The following CELA2B variants were observed in gnomAD, a reference collection of about 807,000 sequenced individuals.
The protein encoded by CELA2B is chymotrypsin-like elastase family member 2B.
Under a neutral mutation model 36.5 loss-of-function variants are expected in CELA2B, and 27 were observed. The observed-to-expected ratio is 0.74, with a 90% CI of 0.55 to 1.02. CELA2B has a LOEUF of 1.02. CELA2B is among the 50% of genes least tolerant of loss of function. CELA2B has a pLI of 0.00. For synonymous variants in CELA2B, 143 were observed against 148.5 expected (o/e 0.96, Z 0.27); for missense variants, 340 against 347.8 (o/e 0.98, Z 0.18).
chr1:15,484,077 T>C (rs1273969454), intron 5 of CELA2B, among the ~76,000 whole-genome samples: 1 of 152,112 alleles, frequency 6.6e-6, no homozygotes, highest in Non-Finnish European at 1.5e-5. Context: ...GTTACAGAGA[T>C]CATGTGACAT....
intron 6 of CELA2B, among the ~76,000 whole-genome samples, 200 bp downstream of exon 6, chr1:15,486,246 C>T (rs559717270): frequency 2.0e-5 from 3 of 152,168 alleles, no homozygotes; most frequent in South Asian, 2.1e-4. Context: ...TTTGGGAGGC[C>T]GAGGTGGGTG....
At chr1:15,480,898 ATTT>A (rs79727774) in intron 2 of CELA2B, among the ~76,000 whole-genome samples, 197 bp from the exon 3 acceptor site, 1 of 145,538 alleles carries the variant, frequency 6.9e-6, no homozygotes, top group African/African-American at 2.5e-5. Context: ...GCCTGGCCTG[ATTT>A]TTTTTTTTTT....
At chr1:15,484,231 C>T (rs1708778022) in intron 5 of CELA2B, among the ~76,000 whole-genome samples, 1 of 152,108 alleles carries the variant, frequency 6.6e-6, no homozygotes, top group Admixed American at 6.5e-5. Context: ...TTTGGTCTTG[C>T]TACTGAGAAC....
intron 2 of CELA2B, among the ~76,000 whole-genome samples, chr1:15,479,841 A>G (rs1708719154): frequency 6.6e-6 from 1 of 152,216 alleles, no homozygotes; most frequent in South Asian, 2.1e-4. Context: ...AGGAAGAGCC[A>G]GTGCAAAGGC....
chr1:15,476,209 G>T, intron 1 of CELA2B, 44 bp downstream of exon 1: 3 of 1,613,446 alleles, frequency 1.9e-6, no homozygotes, highest in Non-Finnish European at 2.5e-6. Context: ...ATCCCCTGGT[G>T]GGGCTGGAAA....
chr1:15,477,500 TTTTA>T (rs1182271084), intron 2 of CELA2B, among the ~76,000 whole-genome samples: 9 of 152,226 alleles, frequency 5.9e-5, no homozygotes, highest in Non-Finnish European at 1.0e-4. Context: ...GCTGTAAACA[TTTTA>T]TTTTAGACTA....
chr1:15,478,904 C>T (rs2103311359), intron 2 of CELA2B, among the ~76,000 whole-genome samples: 1 of 152,182 alleles, frequency 6.6e-6, no homozygotes, highest in Non-Finnish European at 1.5e-5. Context: ...CCCTGAGAGC[C>T]CTGCACCGTG....
At chr1:15,489,847 A>G (rs1428646181) in intron 7 of CELA2B, among the ~76,000 whole-genome samples, 2 of 152,122 alleles carry the variant, frequency 1.3e-5, no homozygotes, top group East Asian at 3.8e-4. Context: ...TACATCTCCA[A>G]TTCCACTCTC....
rs757367032 is a variant in CELA2B, at chr1:15,487,371, T to C, written c.726T>C (p.Gly242=). The C allele has an allele frequency of 6.2e-6, 10 of 1,614,132 alleles. No individual in the cohort carries two copies. Among genetic ancestry groups the C allele is most frequent in the African/African-American group, 1.3e-5 (1 of 74,944 alleles). Residue 242 remains glycine, a synonymous_variant, in exon 7 of 8, where the codon GGT becomes GGC. Coordinates refer to ENST00000375910, the MANE Select transcript of CELA2B (RefSeq NM_015849.3). The part of the protein sequence containing the change: ...HGIGSLTSVL[G]CNYYYKPSIF... Reference sequence around the variant, plus strand: ...TCGGCAGCCTCACGTCGGTCCTTGGTTGCAACTACTACTACAAGCCCTCCA... The same window carrying C: ...TCGGCAGCCTCACGTCGGTCCTTGGCTGCAACTACTACTACAAGCCCTCCA...
Position 15,477,482 on chromosome 1 carries a change from T to C in CELA2B, c.129+937T>C, listed in dbSNP as rs746357690. On this transcript the variant is annotated intron_variant, in intron 2 of 7. Coordinates refer to ENST00000375910, the MANE Select transcript of CELA2B (RefSeq NM_015849.3). ...TTGGTTATAAAGAAATTATTTTAAA[T>C]CATATATGCTGTAAACATTTTATTT... Among the ~76,000 whole-genome samples, 12 of 152,240 alleles carry C rather than the reference T, an allele frequency of 7.9e-5. 1 individual carries two copies. Among genetic ancestry groups the C allele is most frequent in the Non-Finnish European group, 1.5e-4 (10 of 68,048 alleles).
At chr1:15,488,382 G>C (rs1048955558) in intron 7 of CELA2B, among the ~76,000 whole-genome samples, 1 of 152,136 alleles carries the variant, frequency 6.6e-6, no homozygotes, top group Non-Finnish European at 1.5e-5. Flanking sequence ...GCAAGACCCT[G>C]TCTCTGAAAA....
intron 2 of CELA2B, among the ~76,000 whole-genome samples, chr1:15,479,466 A>G (rs564739872): frequency 6.6e-6 from 1 of 152,300 alleles, no homozygotes; most frequent in African/African-American, 2.4e-5. Flanking sequence ...GAATGGCTTG[A>G]ACCTGGGAGG....
At chr1:15,476,210 G>C in intron 1 of CELA2B, 45 bp downstream of exon 1, 4 of 1,613,492 alleles carry the variant, frequency 2.5e-6, no homozygotes, top group Non-Finnish European at 3.4e-6. Flanking sequence ...TCCCCTGGTG[G>C]GGCTGGAAAT....
intron 3 of CELA2B, 139 bp from the exon 4 acceptor site, chr1:15,482,126 C>G: frequency 1.0e-6 from 1 of 959,522 alleles, no homozygotes; most frequent in African/African-American, 1.6e-5. Context: ...TGATAACTAA[C>G]TGACTGTCCC....
At chr1:15,481,619 C>T (rs1197655556) in intron 3 of CELA2B, 1 of 477,304 alleles carries the variant, frequency 2.1e-6, no homozygotes, top group Non-Finnish European at 4.3e-6. Context: ...ATTAAGTGCT[C>T]AATGAAAGCT....
intron 5 of CELA2B, among the ~76,000 whole-genome samples, chr1:15,485,528 A>T (rs139180605): frequency 1.6e-3 from 250 of 152,390 alleles, no homozygotes; most frequent in African/African-American, 5.7e-3. Context: ...TGAGAAACTC[A>T]GGAAACACTC....
In CELA2B at chr1:15,476,550, G is replaced by C. The variant is rs1427241483; in HGVS notation, c.129+5G>C. Reference sequence around the variant, plus strand: ...CCCAACAGCTGGCCCTGGCAGGTGAGTTGACCACACTGTACTTCTCCCCGT... The same window carrying C: ...CCCAACAGCTGGCCCTGGCAGGTGACTTGACCACACTGTACTTCTCCCCGT... On this transcript the variant is annotated splice_donor_5th_base_variant and intron_variant, in intron 2 of 7. Transcript: ENST00000375910. 1.9e-6 allele frequency: 3 copies of C among 1,613,208 alleles called. No individual in the cohort carries two copies. In the African/African-American group the frequency reaches 4.0e-5, roughly 22 times the overall value.
In CELA2B at chr1:15,476,177, C is replaced by T. The variant is rs370841068; in HGVS notation, c.40+12C>T. On this transcript the variant is annotated intron_variant, in intron 1 of 7. Coordinates refer to ENST00000375910, the MANE Select transcript of CELA2B (RefSeq NM_015849.3). ...TTTGGTGGCTGGAGGTAAGTCCTGTCACCCAGAGGCACTGGTTTCCCATCC... is the reference window on the plus strand; with the variant it reads ...TTTGGTGGCTGGAGGTAAGTCCTGTTACCCAGAGGCACTGGTTTCCCATCC... 1.9e-5 allele frequency: 30 copies of T among 1,613,978 alleles called. No homozygotes were observed. The highest frequency in any genetic ancestry group is 5.5e-5 in the South Asian group (5 of 91,084).
rs542369726 is a variant in CELA2B at position 15,488,609 on chromosome 1, T to A, written c.792+1172T>A. Reference sequence around the variant, plus strand: ...GTTTGCTCTTCTGTAAAGTGGGACTTGAACTAGACCTCCACATTTTTAGGC... The same window carrying A: ...GTTTGCTCTTCTGTAAAGTGGGACTAGAACTAGACCTCCACATTTTTAGGC... On this transcript the variant is annotated intron_variant, in intron 7 of 7. Coordinates refer to ENST00000375910, the MANE Select transcript of CELA2B (RefSeq NM_015849.3). Among the ~76,000 whole-genome samples, 9 of 152,308 alleles carry A rather than the reference T, an allele frequency of 5.9e-5. No homozygotes were observed. The East Asian group carries it at 1.4e-3, about 23-fold the overall frequency.
Sources: allele counts gnomAD v4.1 joint callset (sites outside exome capture counted in the v4.1 genomes callset), GRCh38; gene constraint gnomAD v4.1.1; transcripts MANE v1.5; gene names NCBI Gene and HGNC (gene_info 2026-07-23, HGNC 2026-07-21).